RERE: variants seen among roughly 807,000 people sequenced by gnomAD.
RERE encodes arginine-glutamic acid dipeptide repeats protein.
In RERE, 40 loss-of-function variants were observed where a neutral mutation model predicts 146.1. The observed-to-expected ratio is 0.27, with a 90% CI of 0.21 to 0.36. RERE has a LOEUF of 0.36. RERE is among the 10% of genes least tolerant of loss of function. The pLI, the probability that RERE is intolerant of heterozygous loss-of-function variation, is 1.00. For missense variants in RERE, 1,933 were observed against 2,138.7 expected (o/e 0.90, Z 1.90); for synonymous variants, 1,003 against 866.0 (o/e 1.16, Z -2.78).
chr1:8,385,285 A>G (rs1323638254), intron 12 of RERE, among the ~76,000 whole-genome samples: 1 of 152,232 alleles, frequency 6.6e-6, no homozygotes, highest in Non-Finnish European at 1.5e-5. Context: ...CTTGATTATT[A>G]ACTTCTACTG....
intron 12 of RERE, among the ~76,000 whole-genome samples, chr1:8,388,433 C>T (rs961346635): frequency 6.6e-6 from 1 of 152,072 alleles, no homozygotes; most frequent in Non-Finnish European, 1.5e-5. Flanking sequence ...CATTCTCCTG[C>T]CTCAGCCTCC....
Position 8,360,202 on chromosome 1 carries a change from T to C in RERE, c.3305A>G (p.Glu1102Gly), listed in dbSNP as rs768055528. ...QIKEEALDDAEEPESPPPPPR... is the reference protein window; with the variant it reads ...QIKEEALDDAGEPESPPPPPR... ...TGGGGGAGGGGGGCTCTCAGGCTCC[T>C]CAGCGTCGTCCAGAGCCTCCTCCTT... is the stretch of plus-strand genomic sequence containing the variant. The change falls in exon 18 of 23, where the codon GAG (glutamate) becomes GGG (glycine). Residue 1102 changes from glutamate to glycine, a missense_variant. Glu to Gly is a moderately conservative substitution (Grantham distance 98, BLOSUM62 -2). Coordinates refer to ENST00000400908, the MANE Select transcript of RERE (RefSeq NM_001042681.2). The C allele has an allele frequency of 5.0e-5, 79 of 1,593,944 alleles. No homozygotes were observed. In the African/African-American group the frequency reaches 1.0e-3, roughly 20 times the overall value.
At chr1:8,700,096 G>A (rs1030123148) in intron 1 of RERE, among the ~76,000 whole-genome samples, 2 of 152,124 alleles carry the variant, frequency 1.3e-5, no homozygotes, top group Non-Finnish European at 2.9e-5. Context: ...CACAAGGTCA[G>A]GAGTTCGAGA....
intron 1 of RERE, among the ~76,000 whole-genome samples, chr1:8,793,550 G>C (rs552449290): frequency 6.6e-6 from 1 of 152,198 alleles, no homozygotes; most frequent in South Asian, 2.1e-4. Flanking sequence ...CCTAAGAAGT[G>C]GTAAAAATAT....
intron 7 of RERE, among the ~76,000 whole-genome samples, chr1:8,522,121 A>G (rs976437445): frequency 4.6e-5 from 7 of 152,254 alleles, no homozygotes; most frequent in Non-Finnish European, 4.4e-5. Flanking sequence ...AAAATAAATC[A>G]GACTCATGCT....
rs554907194 is a variant in RERE, at chr1:8,417,506, C to A, written c.1284+5221G>T. Among the ~76,000 whole-genome samples, 66 of 152,298 alleles carry A rather than the reference C, an allele frequency of 4.3e-4. 1 individual carries two copies. In the East Asian group the frequency reaches 0.012, roughly 28 times the overall value. ...AAACTGGCTGCCCTTTCACTGGGCC[C>A]TTGGTGCCAAACAGTGACACATTTC... On this transcript the variant is annotated intron_variant, in intron 12 of 22. Coordinates refer to ENST00000400908, the MANE Select transcript of RERE (RefSeq NM_001042681.2).
At chr1:8,708,909 T>G (rs1330784071) in intron 1 of RERE, among the ~76,000 whole-genome samples, 4 of 126,854 alleles carry the variant, frequency 3.2e-5, no homozygotes, top group Admixed American at 7.9e-5. Flanking sequence ...TCTGGAGTTT[T>G]TTTTTTTTTT....
chr1:8,668,963 T>TGTG lies in RERE; in HGVS notation c.-144-12523_-144-12522insCAC, dbSNP rs1553130735. Among the ~76,000 whole-genome samples, 88 of 42,288 alleles carry TGTG rather than the reference T, an allele frequency of 2.1e-3. 1 individual carries two copies. The highest frequency in any genetic ancestry group is 3.1e-3 in the East Asian group (2 of 636). The allele number at this position is 42,288 out of a possible 152,430, so 27.7% of individuals were successfully genotyped here. A position where few individuals can be genotyped will look rare whatever the true frequency, so the allele number is the denominator to read the frequency against. ...GTGTGTGTGTGTGTGTGTGTGTGTG[T>TGTG]TGTGTTTTTAAGACAGGGTCTCACT... On this transcript the variant is annotated intron_variant, in intron 1 of 22. Coordinates refer to ENST00000400908, the MANE Select transcript of RERE (RefSeq NM_001042681.2).
chr1:8,556,346 A>G, intron 6 of RERE, 129 bp downstream of exon 6: 1 of 601,052 alleles, frequency 1.7e-6, no homozygotes, highest in Non-Finnish European at 3.0e-6. Context: ...GGACACTGGC[A>G]TGTTCACTGA....
At chr1:8,419,564 T>C (rs1049256694) in intron 12 of RERE, among the ~76,000 whole-genome samples, 4 of 152,226 alleles carry the variant, frequency 2.6e-5, no homozygotes, top group Non-Finnish European at 5.9e-5. Context: ...AGGCTCAGTA[T>C]ATTTACAAGC....
At chr1:8,487,702 A>C (rs1644920563) in intron 10 of RERE, among the ~76,000 whole-genome samples, 1 of 152,222 alleles carries the variant, frequency 6.6e-6, no homozygotes, top group South Asian at 2.1e-4. Flanking sequence ...AAGGAAGTGC[A>C]ATAAAGCACA....
At chr1:8,577,851 T>G (rs574472307) in intron 4 of RERE, among the ~76,000 whole-genome samples, 29 of 152,110 alleles carry the variant, frequency 1.9e-4, no homozygotes, top group Admixed American at 3.3e-4. Context: ...TCCCAGCACT[T>G]GGGAGGCCGA....
intron 22 of RERE, 66 bp from the exon 23 acceptor site, chr1:8,355,186 G>A (rs1166673163): frequency 1.3e-5 from 20 of 1,539,692 alleles, no homozygotes; most frequent in Admixed American, 1.0e-4. Context: ...GCAGGCTGGA[G>A]GCAACCCCAA....
intron 12 of RERE, among the ~76,000 whole-genome samples, chr1:8,406,956 A>G (rs1382646028): frequency 6.6e-6 from 1 of 152,164 alleles, no homozygotes; most frequent in East Asian, 1.9e-4. Flanking sequence ...ACAACAAAAC[A>G]CCCGACACCC....
At position 8,602,162 on chromosome 1, in the gene RERE, G is replaced by A. The variant is rs1435144451; in HGVS notation, c.522+12399C>T. Among the ~76,000 whole-genome samples, 7 of 152,256 alleles carry A rather than the reference G, an allele frequency of 4.6e-5. No homozygotes were observed. The East Asian group carries it at 1.4e-3, about 29-fold the overall frequency. Reference sequence around the variant, plus strand: ...TCCCAACACTTTGGGAGGCCGAAGTGGGTGGATTACAAGGTCAAGCGATCG... The same window carrying A: ...TCCCAACACTTTGGGAGGCCGAAGTAGGTGGATTACAAGGTCAAGCGATCG... On this transcript the variant is annotated intron_variant, in intron 4 of 22. Transcript: ENST00000400908.
chr1:8,790,608 A>G (rs1361556084), intron 1 of RERE, among the ~76,000 whole-genome samples: 1 of 152,216 alleles, frequency 6.6e-6, no homozygotes, highest in Non-Finnish European at 1.5e-5. Flanking sequence ...TTACTTACAG[A>G]GTCTTGCTCT....
rs978893782 is a variant in RERE at position 8,423,071 on chromosome 1, G to T, written c.1204-264C>A. ...AAGGACGTCCTGCGTCTGAGGCTAA[G>T]AAGCAATCTGTCCCCCTCTTCCACC... On this transcript the variant is annotated intron_variant, in intron 11 of 22. Transcript: ENST00000400908. The surrounding 1 kb of genome is among the most constrained non-coding windows in gnomAD (Gnocchi z 5.4). The T allele has an allele frequency of 9.0e-6, 4 of 445,102 alleles. No individual in the cohort carries two copies. Among genetic ancestry groups the T allele is most frequent in the African/African-American group, 7.8e-5 (4 of 50,966 alleles). The allele number at this position is 445,102 out of a possible 1,614,324, so 27.6% of individuals were successfully genotyped here. A position where few individuals can be genotyped will look rare whatever the true frequency, so the allele number is the denominator to read the frequency against.
At chr1:8,544,868 A>C (rs1183790481) in intron 6 of RERE, among the ~76,000 whole-genome samples, 1 of 152,202 alleles carries the variant, frequency 6.6e-6, no homozygotes, top group Non-Finnish European at 1.5e-5. Context: ...AGCAGAGCTG[A>C]AGAAAGGGTT....
intron 11 of RERE, among the ~76,000 whole-genome samples, chr1:8,427,512 G>GT (rs1435189765): frequency 6.6e-6 from 1 of 151,886 alleles, no homozygotes; most frequent in Admixed American, 6.6e-5. Flanking sequence ...CGTTTCACAG[G>GT]TATCTCAAAC....
Sources: gnomAD v4.1 joint callset for allele counts (sites outside exome capture counted in the v4.1 genomes callset) on GRCh38, gnomAD v4.1.1 for gene constraint, Gnocchi (gnomAD v3.1) non-coding constraint, MANE v1.5 for transcripts, NCBI Gene and HGNC (gene_info 2026-07-23, HGNC 2026-07-21) for gene names.